BCR: variants seen among roughly 807,000 people sequenced by gnomAD.
The protein encoded by BCR is BCR activator of RhoGEF and GTPase.
Under a neutral mutation model 138.6 loss-of-function variants are expected in BCR, and 58 were observed. The ratio of observed to expected loss-of-function variants is 0.42; its 90% CI spans 0.34 to 0.52. The LOEUF is 0.52. Ranked by LOEUF, BCR falls within the 20% of genes least tolerant of loss-of-function variation. The probability of loss-of-function intolerance (pLI) is 0.06; values close to 1 mark genes in which losing one functional copy is unlikely to be tolerated. For synonymous variants in BCR, 786 were observed against 730.1 expected, an observed-to-expected ratio of 1.08 and a Z score of -1.23; for missense variants, 1,599 against 1,727.2, an observed-to-expected ratio of 0.93 and a Z score of 1.32.
At chr22:23,314,428 T>G (rs1394214212) in intron 21 of BCR, 124 bp from the exon 22 acceptor site, 2 of 1,146,924 alleles carry the variant, frequency 1.7e-6, no homozygotes, top group Non-Finnish European at 1.3e-6. Flanking sequence ...AGGGCTGGAG[T>G]CAGCTTGCAG....
chr22:23,212,017 G>C (rs1199953017), intron 1 of BCR, among the ~76,000 whole-genome samples: 1 of 152,070 alleles, frequency 6.6e-6, no homozygotes, highest in African/African-American at 2.4e-5. Flanking sequence ...GGTCCTGCCA[G>C]CCCTACCCTC....
intron 12 of BCR, 41 bp downstream of exon 12, chr22:23,288,213 A>C: frequency 7.0e-6 from 11 of 1,579,932 alleles, no homozygotes; most frequent in Non-Finnish European, 9.6e-6. Flanking sequence ...GCTTCAAACC[A>C]TTAGGGCCAG....
At chr22:23,291,428 A>G (rs1428973681) in intron 14 of BCR, among the ~76,000 whole-genome samples, 1 of 152,108 alleles carries the variant, frequency 6.6e-6, no homozygotes, top group Admixed American at 6.5e-5. Context: ...TGGATGAATT[A>G]CATGACATGC....
At position 23,181,995 on chromosome 22, in the gene BCR, C is replaced by A. The variant is rs575719304; in HGVS notation, c.1035C>A (p.Phe345Leu). 1 of 1,613,372 alleles carries A rather than the reference C, an allele frequency of 6.2e-7. No individual in the cohort carries two copies. The highest frequency in any genetic ancestry group is 2.2e-5 in the East Asian group (1 of 44,864). ...NENLTSSEED[F>L]SSGQSSRVSP... ...ACCTCACCTCCAGCGAGGAGGACTT[C>A]TCCTCTGGCCAGTCCAGCCGCGTGT... The change falls in exon 1 of 23, where the codon TTC becomes TTA. Residue 345 changes from phenylalanine (F) to leucine (L), a missense_variant. By Grantham distance (22) the Phe-to-Leu change is conservative. Transcript: ENST00000305877.
intron 1 of BCR, among the ~76,000 whole-genome samples, chr22:23,196,391 G>A (rs2072482052): frequency 1.3e-5 from 2 of 152,182 alleles, no homozygotes; most frequent in African/African-American, 4.8e-5. Flanking sequence ...TCAGTGCCAG[G>A]GGCTGTGCGG....
chr22:23,258,942 AC>A (rs1383086235), intron 2 of BCR, among the ~76,000 whole-genome samples: 1 of 149,246 alleles, frequency 6.7e-6, no homozygotes, highest in African/African-American at 2.5e-5. Context: ...CACCACCCCC[AC>A]CCCCCGCACC....
intron 2 of BCR, among the ~76,000 whole-genome samples, chr22:23,260,100 G>A (rs540963032): frequency 5.9e-5 from 9 of 152,328 alleles, no homozygotes; most frequent in East Asian, 5.8e-4. Context: ...GGGCTTCCAC[G>A]TGAATTTGAG....
At position 23,290,434 on chromosome 22, in the gene BCR, G is replaced by A. The variant is rs9608101; in HGVS notation, c.2782+21G>A. On this transcript the variant is annotated intron_variant, in intron 14 of 22. Coordinates refer to ENST00000305877, the MANE Select transcript of BCR (RefSeq NM_004327.4). ...TTCAAGTAAGTACTGGTTTGGGGAG[G>A]AGGGTTGCAGCGGCCGAGCCAGGGT... 2.5e-3 allele frequency: 4,010 copies of A among 1,611,006 alleles called. 134 individuals carry two copies. In the South Asian group the frequency reaches 0.041, roughly 16 times the overall value.
At chr22:23,212,488 T>G (rs923731818) in intron 1 of BCR, among the ~76,000 whole-genome samples, 8 of 152,202 alleles carry the variant, frequency 5.3e-5, no homozygotes, top group Non-Finnish European at 1.5e-5. Flanking sequence ...ATGGAGTTGT[T>G]GCTGCATAGG....
chr22:23,244,331 A>T (rs79439873), intron 1 of BCR, among the ~76,000 whole-genome samples: 172 of 152,304 alleles, frequency 1.1e-3, no homozygotes, highest in African/African-American at 4.0e-3. Flanking sequence ...CTTTCCAGGT[A>T]AGGTCGCATT....
At chr22:23,306,127 C>T (rs180751695) in intron 16 of BCR, 3 of 152,388 alleles carry the variant, frequency 2.0e-5, no homozygotes, top group African/African-American at 7.2e-5. Flanking sequence ...GCCTTTCCCA[C>T]TGGAGCTGCC....
rs537279205 is a variant in BCR, at chr22:23,191,884, G to A, written c.1279+9645G>A. 1.4e-4 allele frequency among the ~76,000 whole-genome samples: 22 copies of A among 152,284 alleles called. No homozygotes were observed. The South Asian group carries it at 4.4e-3, about 30-fold the overall frequency. The stretch of plus-strand genomic sequence containing the variant: ...AAACGTTGGCTTTGGAGATTATCCC[G>A]CTGGTTCTGTTTCCTTCTTTGCTGG... On this transcript the variant is annotated intron_variant, in intron 1 of 22. Coordinates refer to ENST00000305877, the MANE Select transcript of BCR (RefSeq NM_004327.4).
intron 1 of BCR, among the ~76,000 whole-genome samples, chr22:23,206,526 G>A (rs5996488): frequency 0.21 from 31,264 of 150,184 alleles, 3,672 homozygotes; most frequent in Middle Eastern, 0.33. Flanking sequence ...GCAGTGAGCC[G>A]AGATTGTGCC....
chr22:23,311,364 G>A (rs915037321), intron 18 of BCR, among the ~76,000 whole-genome samples: 7 of 150,582 alleles, frequency 4.6e-5, no homozygotes, highest in Non-Finnish European at 7.4e-5. Context: ...CTCCCAGCCG[G>A]GGGTACAGGC....
chr22:23,263,263 T>C, intron 4 of BCR: 1 of 1,090,782 alleles, frequency 9.2e-7, no homozygotes, highest in Non-Finnish European at 1.3e-6. Context: ...TACCTCGACA[T>C]GCGGGCCCTC....
intron 2 of BCR, among the ~76,000 whole-genome samples, chr22:23,257,661 A>C (rs2073309522): frequency 6.6e-6 from 1 of 152,200 alleles, no homozygotes; most frequent in African/African-American, 2.4e-5. Flanking sequence ...GCTTTCCCCA[A>C]AGACTCCACC....
At chr22:23,216,142 G>A (rs747617105) in intron 1 of BCR, among the ~76,000 whole-genome samples, 15 of 152,244 alleles carry the variant, frequency 9.9e-5, no homozygotes, top group African/African-American at 3.1e-4. Context: ...TCTGATAAGC[G>A]TTGGCAACAC....
intron 14 of BCR, 93 bp downstream of exon 14, chr22:23,290,506 G>A: frequency 2.2e-6 from 3 of 1,345,140 alleles, no homozygotes; most frequent in South Asian, 2.3e-5. Context: ...GAAACAGGGA[G>A]GTTGTTCAGA....
intron 8 of BCR, among the ~76,000 whole-genome samples, chr22:23,274,294 T>C (rs980189149): frequency 2.0e-5 from 3 of 152,218 alleles, no homozygotes; most frequent in Admixed American, 2.0e-4. Context: ...AAGACTCTCC[T>C]TCCCCTTCCC....
Sources: allele counts gnomAD v4.1 joint callset (sites outside exome capture counted in the v4.1 genomes callset), GRCh38; gene constraint gnomAD v4.1.1; transcripts MANE v1.5; gene names NCBI Gene and HGNC (gene_info 2026-07-23, HGNC 2026-07-21).